GLIS3: variants seen among roughly 807,000 people sequenced by gnomAD.
The protein encoded by GLIS3 is GLIS family zinc finger 3, also known as zinc finger protein GLIS3.
A neutral mutation model predicts 78.6 loss-of-function variants in GLIS3; 53 were observed. That is an observed-to-expected ratio of 0.67 (90% CI 0.54 to 0.85). The LOEUF is 0.85. Among genes scored for constraint, GLIS3 ranks in the 40% least tolerant of loss-of-function variants. The probability of loss-of-function intolerance (pLI) is 0.00; values close to 1 mark genes in which losing one functional copy is unlikely to be tolerated. For missense variants in GLIS3, 1,703 were observed against 1,231.1 expected, an observed-to-expected ratio of 1.38 and a Z score of -5.74; for synonymous variants, 684 against 509.9, an observed-to-expected ratio of 1.34 and a Z score of -4.60.
At chr9:4,387,511 G>A in the GLIS3 span, among the ~76,000 whole-genome samples, 2 of 152,310 alleles carry the variant, frequency 1.3e-5, no homozygotes, top group African/African-American at 2.4e-5. Context: ...AGAGATGGCT[G>A]CATGCAAGCA....
chr9:3,908,712 T>TTTTG (rs1554644797), intron 6 of GLIS3, among the ~76,000 whole-genome samples: 12 of 103,790 alleles, frequency 1.2e-4, no homozygotes, highest in African/African-American at 2.8e-4. Context: ...ATTTGTTTTT[T>TTTTG]TTTTTTTTTT....
chr9:3,948,536 C>G (rs1237975759), intron 4 of GLIS3, among the ~76,000 whole-genome samples: 1 of 152,060 alleles, frequency 6.6e-6, no homozygotes, highest in Non-Finnish European at 1.5e-5. Context: ...AACCTCAATC[C>G]CCCTGACTGT....
chr9:4,298,206 C>G (rs368157476), intron 1 of GLIS3, among the ~76,000 whole-genome samples: 1 of 152,052 alleles, frequency 6.6e-6, no homozygotes, highest in East Asian at 1.9e-4. Flanking sequence ...GAGCCTGTAG[C>G]CCGGGGGCGC....
chr9:4,227,950 G>T (rs1233914967), intron 2 of GLIS3, among the ~76,000 whole-genome samples: 1 of 152,148 alleles, frequency 6.6e-6, no homozygotes, highest in East Asian at 1.9e-4. Context: ...AATTGTTTGG[G>T]ATCACATAAT....
chr9:4,220,655 G>C (rs745559421), intron 2 of GLIS3, among the ~76,000 whole-genome samples: 3 of 152,098 alleles, frequency 2.0e-5, no homozygotes, highest in Non-Finnish European at 4.4e-5. Flanking sequence ...CGACTCAGGA[G>C]GCTGAGGCAG....
In GLIS3 at chr9:4,010,365, T is replaced by G. The variant is rs144098955; in HGVS notation, c.1711-73176A>C. On this transcript the variant is annotated intron_variant, in intron 4 of 10. Coordinates refer to ENST00000381971, the MANE Select transcript of GLIS3 (RefSeq NM_001042413.2). ...CACTTTACAGGACAGTTGCAAATAT[T>G]AATTTATTTCCTACAGGCAAAGCCC... Among the ~76,000 whole-genome samples, 13 of 152,290 alleles carry G rather than the reference T, an allele frequency of 8.5e-5. 1 individual carries two copies. In the South Asian group the frequency reaches 2.7e-3, roughly 32 times the overall value.
Position 3,908,889 on chromosome 9 carries a change from T to C in GLIS3, c.1984-10054A>G, listed in dbSNP as rs558048525. ...GGGAAAAAGGCCCAGATTCTTCAAT[T>C]TTCAGTTCCATTACATTTTATTCTA... On this transcript the variant is annotated intron_variant, in intron 6 of 10. Coordinates refer to ENST00000381971, the MANE Select transcript of GLIS3 (RefSeq NM_001042413.2). Among the ~76,000 whole-genome samples, 4 of 152,224 alleles carry C rather than the reference T, an allele frequency of 2.6e-5. No individual in the cohort carries two copies. In the South Asian group the frequency reaches 8.3e-4, roughly 32 times the overall value.
At chr9:3,883,702 C>T (rs1400182954) in intron 7 of GLIS3, among the ~76,000 whole-genome samples, 1 of 152,196 alleles carries the variant, frequency 6.6e-6, no homozygotes, top group Non-Finnish European at 1.5e-5. Flanking sequence ...TTGTCTGTGT[C>T]AACTCCGGGG....
chr9:4,447,302 C>G, the GLIS3 span, among the ~76,000 whole-genome samples: 1 of 152,058 alleles, frequency 6.6e-6, no homozygotes. Flanking sequence ...CTGCCTTGGC[C>G]TCCTAAAGTG....
At chr9:3,991,111 C>T (rs1157021029) in intron 4 of GLIS3, among the ~76,000 whole-genome samples, 2 of 152,162 alleles carry the variant, frequency 1.3e-5, no homozygotes, top group African/African-American at 2.4e-5. Flanking sequence ...CACCCAGCTC[C>T]TGCAACCACT....
the GLIS3 span, among the ~76,000 whole-genome samples, chr9:4,444,113 T>A: frequency 1.3e-5 from 2 of 152,162 alleles, no homozygotes; most frequent in African/African-American, 4.8e-5. Flanking sequence ...GTCATAGAAA[T>A]GATGACCAGG....
chr9:4,369,412 G>C, the GLIS3 span, among the ~76,000 whole-genome samples: 1 of 152,148 alleles, frequency 6.6e-6, no homozygotes, highest in African/African-American at 2.4e-5. Context: ...CAGAAGAATT[G>C]ATTGCAAAAT....
At chr9:4,198,091 A>C (rs1016795147) in intron 2 of GLIS3, among the ~76,000 whole-genome samples, 1 of 152,216 alleles carries the variant, frequency 6.6e-6, no homozygotes, top group Admixed American at 6.5e-5. Flanking sequence ...TAGCACCAAG[A>C]AATATCTGAA....
At chr9:4,265,796 C>G (rs903046518) in intron 2 of GLIS3, among the ~76,000 whole-genome samples, 13 of 152,178 alleles carry the variant, frequency 8.5e-5, no homozygotes, top group Non-Finnish European at 1.9e-4. Context: ...GAGTTTTCCC[C>G]TCTAAAGATG....
At chr9:4,315,679 G>A (rs1250313884) in intron 2 of GLIS3, among the ~76,000 whole-genome samples, 1 of 152,128 alleles carries the variant, frequency 6.6e-6, no homozygotes, top group East Asian at 1.9e-4. Flanking sequence ...ACACAGTGGG[G>A]ACTGGAGACA....
At chr9:4,039,382 G>A (rs1392910327) in intron 4 of GLIS3, among the ~76,000 whole-genome samples, 1 of 152,162 alleles carries the variant, frequency 6.6e-6, no homozygotes, top group East Asian at 1.9e-4. Context: ...TTTTCTACAG[G>A]TATCCAAGCA....
intron 4 of GLIS3, among the ~76,000 whole-genome samples, chr9:4,030,616 G>T (rs1015126584): frequency 6.6e-6 from 1 of 152,132 alleles, no homozygotes; most frequent in Non-Finnish European, 1.5e-5. Flanking sequence ...TTTAGAGACA[G>T]GGGTCAACTT....
chr9:4,147,245 T>C (rs963433494), intron 2 of GLIS3: 1 of 152,364 alleles, frequency 6.6e-6, no homozygotes, highest in Admixed American at 6.5e-5. Flanking sequence ...ATTCTATTAT[T>C]GGAATTTCAA....
Position 4,256,153 on chromosome 9 carries a change from G to A in GLIS3, c.388+29885C>T, listed in dbSNP as rs184238619. ...AGAAAAGACACTGGAACAGATGAGC[G>A]ACCCCAGGTAAAGCACCTCTATTAA... is the stretch of plus-strand genomic sequence containing the variant. On this transcript the variant is annotated intron_variant, in intron 2 of 10. Coordinates refer to ENST00000381971, the MANE Select transcript of GLIS3 (RefSeq NM_001042413.2). Among the ~76,000 whole-genome samples the A allele has an allele frequency of 4.2e-3, 637 of 152,114 alleles. 4 individuals are homozygous for A. Among genetic ancestry groups the A allele is most frequent in the Middle Eastern group, 0.017 (5 of 294 alleles).
Sources: allele counts gnomAD v4.1 joint callset (sites outside exome capture counted in the v4.1 genomes callset), GRCh38; gene constraint gnomAD v4.1.1; transcripts MANE v1.5; gene names NCBI Gene and HGNC (gene_info 2026-07-23, HGNC 2026-07-21).